The following CDH18 variants were observed in gnomAD, a reference collection of about 807,000 sequenced individuals.
CDH18 encodes the protein cadherin 18, also known as cadherin-18.
CDH18 carries 31 observed loss-of-function variants against 67.9 expected under a neutral mutation model. That is an observed-to-expected ratio of 0.46 (90% CI 0.34 to 0.62). The LOEUF is 0.62. CDH18 is among the 20% of genes least tolerant of loss of function. The pLI is 0.01. For synonymous variants in CDH18, 362 were observed against 347.2 expected, an observed-to-expected ratio of 1.04 and a Z score of -0.48; for missense variants, 890 against 975.5, an observed-to-expected ratio of 0.91 and a Z score of 1.17.
At chr5:20,413,808 T>G (rs187575869) in intron 1 of CDH18, among the ~76,000 whole-genome samples, 22 of 152,328 alleles carry the variant, frequency 1.4e-4, no homozygotes, top group African/African-American at 4.8e-4. Context: ...CAGAAGCTCT[T>G]TAGTTTAATT....
chr5:20,519,627 A>C (rs180825817), intron 1 of CDH18, among the ~76,000 whole-genome samples: 240 of 152,206 alleles, frequency 1.6e-3, no homozygotes, highest in African/African-American at 5.6e-3. Flanking sequence ...TAATAATAAT[A>C]AAATAAAATA....
intron 1 of CDH18, among the ~76,000 whole-genome samples, chr5:20,479,982 A>G: frequency 6.6e-6 from 1 of 152,254 alleles, no homozygotes; most frequent in South Asian, 2.1e-4. Context: ...GTGGCATGAC[A>G]TATATGTGGT....
chr5:20,091,160 GA>G (rs1745384717), intron 2 of CDH18, among the ~76,000 whole-genome samples: 1 of 151,946 alleles, frequency 6.6e-6, no homozygotes, highest in South Asian at 2.1e-4. Context: ...AATGCAAGTT[GA>G]ATTTTTTTAA....
intron 11 of CDH18, 56 bp downstream of exon 11, chr5:19,502,936 A>G (rs1390274891): frequency 5.1e-6 from 5 of 984,116 alleles, no homozygotes; most frequent in South Asian, 2.5e-5. Flanking sequence ...AGCCTATTAC[A>G]TATAAGGTCA....
chr5:20,353,713 C>T (rs1741388688), intron 1 of CDH18, among the ~76,000 whole-genome samples: 1 of 152,168 alleles, frequency 6.6e-6, no homozygotes, highest in African/African-American at 2.4e-5. Context: ...TCAGCCATTA[C>T]CACCTTAGCA....
chr5:20,501,733 G>A (rs935098434), intron 1 of CDH18, among the ~76,000 whole-genome samples: 1 of 145,184 alleles, frequency 6.9e-6, no homozygotes, highest in African/African-American at 2.5e-5. Context: ...GTGTGTGTGT[G>A]TGTGTGTGTG....
chr5:20,027,274 G>A (rs966033317), intron 2 of CDH18, among the ~76,000 whole-genome samples: 6 of 152,146 alleles, frequency 3.9e-5, no homozygotes, highest in Admixed American at 1.3e-4. Flanking sequence ...TATAATATGC[G>A]TTGTAGAGTC....
intron 1 of CDH18, among the ~76,000 whole-genome samples, chr5:20,335,297 C>T (rs984884654): frequency 6.6e-6 from 1 of 152,118 alleles, no homozygotes; most frequent in Non-Finnish European, 1.5e-5. Flanking sequence ...TATAAAAGCC[C>T]CACATATTCA....
chr5:20,438,341 A>G (rs573253425), intron 1 of CDH18, among the ~76,000 whole-genome samples: 1 of 151,126 alleles, frequency 6.6e-6, no homozygotes, highest in South Asian at 2.1e-4. Context: ...AAATGTAGAA[A>G]GAAAATAATT....
At chr5:20,290,859 C>G (rs1747054032) in intron 1 of CDH18, among the ~76,000 whole-genome samples, 1 of 152,056 alleles carries the variant, frequency 6.6e-6, no homozygotes, top group African/African-American at 2.4e-5. Flanking sequence ...TTCTATGAAG[C>G]CTGGTTCTAT....
chr5:19,824,697 C>T (rs531078531), intron 3 of CDH18, among the ~76,000 whole-genome samples: 2 of 152,280 alleles, frequency 1.3e-5, no homozygotes, highest in African/African-American at 4.8e-5. Context: ...TTCACACCAG[C>T]TTCAGGCCCA....
rs111704526 is a variant in CDH18 at position 20,244,488 on chromosome 5, G to C, written c.-518+10956C>G. ...TTGAACTAACCTCATCATTGCAACAGTAGAAAAGAACAACCAAATATATTT... is the reference window on the plus strand; with the variant it reads ...TTGAACTAACCTCATCATTGCAACACTAGAAAAGAACAACCAAATATATTT... On this transcript the variant is annotated intron_variant, in intron 2 of 14. Transcript: ENST00000507958. Among the ~76,000 whole-genome samples the C allele has an allele frequency of 5.5e-3, 839 of 152,014 alleles. 10 individuals are homozygous for C. The highest frequency in any genetic ancestry group is 0.019 in the African/African-American group (807 of 41,472).
chr5:19,589,337 AT>A (rs1203991397), intron 7 of CDH18, among the ~76,000 whole-genome samples: 2 of 152,102 alleles, frequency 1.3e-5, no homozygotes, highest in African/African-American at 4.8e-5. Flanking sequence ...TTATTTGAAG[AT>A]TTCCTCCAAG....
chr5:19,582,392 A>G (rs937140939), intron 7 of CDH18, among the ~76,000 whole-genome samples: 2 of 152,040 alleles, frequency 1.3e-5, no homozygotes, highest in Non-Finnish European at 2.9e-5. Context: ...AAAACAATCA[A>G]TTAGCTTTCA....
chr5:20,307,834 T>C lies in CDH18; in HGVS notation c.-579-52329A>G, dbSNP rs541084155. Among the ~76,000 whole-genome samples, 5 of 152,328 alleles carry C rather than the reference T, an allele frequency of 3.3e-5. No homozygotes were observed. In the South Asian group the frequency reaches 1.0e-3, roughly 32 times the overall value. Reference sequence around the variant, plus strand: ...TTTCTGTTTATGGCAGAGTCTCAGCTGACACAGGGTCTAATATTATTAGTC... The same window carrying C: ...TTTCTGTTTATGGCAGAGTCTCAGCCGACACAGGGTCTAATATTATTAGTC... On this transcript the variant is annotated intron_variant, in intron 1 of 14. Transcript: ENST00000507958.
At chr5:20,339,708 G>T (rs6859050) in intron 1 of CDH18, among the ~76,000 whole-genome samples, 16,568 of 152,126 alleles carry the variant, frequency 0.11, 989 homozygotes, top group Non-Finnish European at 0.13. Flanking sequence ...TCCCATTAAG[G>T]TACAGGTCCT....
chr5:20,099,636 T>TA (rs1746286795), intron 2 of CDH18, among the ~76,000 whole-genome samples: 1 of 152,182 alleles, frequency 6.6e-6, no homozygotes, highest in South Asian at 2.1e-4. Flanking sequence ...TTAGCTTTGT[T>TA]TATTAATTTT....
chr5:19,967,090 T>C (rs1797518754), intron 2 of CDH18, among the ~76,000 whole-genome samples: 1 of 151,766 alleles, frequency 6.6e-6, no homozygotes, highest in African/African-American at 2.4e-5. Flanking sequence ...CACTTAGGTT[T>C]AAAAGAAAAA....
intron 2 of CDH18, among the ~76,000 whole-genome samples, chr5:19,997,751 C>T (rs1177573242): frequency 1.3e-5 from 2 of 152,082 alleles, no homozygotes; most frequent in Non-Finnish European, 2.9e-5. Context: ...CCTCAAGAAG[C>T]TTATAATACA....
Sources: allele counts gnomAD v4.1 joint callset (sites outside exome capture counted in the v4.1 genomes callset), GRCh38; gene constraint gnomAD v4.1.1; transcripts MANE v1.5; gene names NCBI Gene and HGNC (gene_info 2026-07-23, HGNC 2026-07-21).